Variants in RNF150 observed in about 807,000 individuals in gnomAD.
RNF150 encodes ring finger protein 150.
A neutral mutation model predicts 39.3 loss-of-function variants in RNF150; 24 were observed. That is an observed-to-expected ratio of 0.61 (90% CI 0.44 to 0.86). The LOEUF is 0.86. Among genes scored for constraint, RNF150 ranks in the 40% least tolerant of loss-of-function variants. The pLI is 0.00. For synonymous variants in RNF150, 255 were observed against 227.3 expected (o/e 1.12, Z -1.10); for missense variants, 502 against 587.8 (o/e 0.85, Z 1.51).
At chr4:140,923,671 C>T (rs1287479693) in intron 5 of RNF150, among the ~76,000 whole-genome samples, 5 of 152,168 alleles carry the variant, frequency 3.3e-5, no homozygotes, top group East Asian at 1.9e-4. Context: ...CACATGCACA[C>T]GTGTGTTTAT....
chr4:140,965,362 A>G (rs1013681386), intron 2 of RNF150, among the ~76,000 whole-genome samples: 4 of 152,100 alleles, frequency 2.6e-5, no homozygotes, highest in African/African-American at 9.7e-5. Flanking sequence ...CAGAACTACC[A>G]TTGAAGATTT....
intron 1 of RNF150, among the ~76,000 whole-genome samples, chr4:141,200,789 G>A (rs1728277991): frequency 6.6e-6 from 1 of 152,180 alleles, no homozygotes; most frequent in East Asian, 1.9e-4. Flanking sequence ...TACAAATGGT[G>A]AGAAAGTAAA....
chr4:141,159,802 C>T (rs1727479882), intron 1 of RNF150, among the ~76,000 whole-genome samples: 1 of 152,164 alleles, frequency 6.6e-6, no homozygotes, highest in Non-Finnish European at 1.5e-5. Context: ...CCTTGGCCTC[C>T]CAAAGTGTTG....
intron 1 of RNF150, among the ~76,000 whole-genome samples, chr4:141,179,838 C>T (rs1727875566): frequency 6.6e-6 from 1 of 152,160 alleles, no homozygotes; most frequent in Admixed American, 6.5e-5. Flanking sequence ...AAAGCCATCA[C>T]ATATTGGGCT....
chr4:141,152,473 A>G (rs571027572), intron 1 of RNF150, among the ~76,000 whole-genome samples: 2 of 152,350 alleles, frequency 1.3e-5, no homozygotes, highest in East Asian at 3.9e-4. Flanking sequence ...AATGTAACAC[A>G]TTGCAAAACA....
chr4:140,943,302 G>A (rs1732158809), intron 4 of RNF150, among the ~76,000 whole-genome samples: 1 of 152,156 alleles, frequency 6.6e-6, no homozygotes, highest in Non-Finnish European at 1.5e-5. Flanking sequence ...TATGTGAAAA[G>A]AACAGGATAG....
chr4:140,972,397 G>A (rs1045101725), intron 1 of RNF150, among the ~76,000 whole-genome samples: 76 of 152,086 alleles, frequency 5.0e-4, no homozygotes, highest in Admixed American at 2.0e-4. Context: ...ATGACCAAGT[G>A]GGATTTATCC....
chr4:140,881,200 T>G (rs1352879384), intron 6 of RNF150, among the ~76,000 whole-genome samples: 1 of 151,910 alleles, frequency 6.6e-6, no homozygotes, highest in Non-Finnish European at 1.5e-5. Context: ...TCTAGCTGTA[T>G]GGCACAGGCT....
In RNF150 at chr4:141,078,597, T is replaced by C. The variant is rs372887282; in HGVS notation, c.484+53728A>G. Among the ~76,000 whole-genome samples, 55 of 150,914 alleles carry C rather than the reference T, an allele frequency of 3.6e-4. No individual in the cohort carries two copies. The East Asian group carries it at 8.2e-3, about 22-fold the overall frequency. ...AGGAGATAGACCATCCTGGCCAACA[T>C]GGTGAAACCCCGTCTCTACTAAAAA... On this transcript the variant is annotated intron_variant, in intron 1 of 6. Transcript: ENST00000515673.
At chr4:140,983,444 C>T (rs1308121424) in intron 1 of RNF150, among the ~76,000 whole-genome samples, 2 of 152,062 alleles carry the variant, frequency 1.3e-5, no homozygotes, top group African/African-American at 4.8e-5. Flanking sequence ...CATTGTTACC[C>T]ACAGAGGTAA....
intron 1 of RNF150, among the ~76,000 whole-genome samples, chr4:141,157,741 C>T (rs189165581): frequency 1.0e-3 from 152 of 152,236 alleles, no homozygotes; most frequent in East Asian, 4.1e-3. Context: ...CTATTTGCAA[C>T]GTGCATTATA....
rs140774846 is a variant in RNF150, at chr4:141,100,696, C to T, written c.484+31629G>A. ...TGTTGCATAACAACAGAGACTGGTCCCAAGAAAGGTGTCCTGAGCCAATTT... is the reference window on the plus strand; with the variant it reads ...TGTTGCATAACAACAGAGACTGGTCTCAAGAAAGGTGTCCTGAGCCAATTT... On this transcript the variant is annotated intron_variant, in intron 1 of 6. Transcript: ENST00000515673. Among the ~76,000 whole-genome samples the T allele has an allele frequency of 2.2e-4, 33 of 152,208 alleles. No individual in the cohort carries two copies. In the East Asian group the frequency reaches 6.4e-3, roughly 29 times the overall value.
intron 6 of RNF150, among the ~76,000 whole-genome samples, chr4:140,894,346 G>A (rs1729862706): frequency 1.3e-5 from 2 of 152,312 alleles, no homozygotes; most frequent in South Asian, 4.1e-4. Context: ...TATCTTCAGA[G>A]TGTTTTATGA....
At chr4:140,908,238 G>C (rs904848200) in intron 6 of RNF150, among the ~76,000 whole-genome samples, 2 of 151,916 alleles carry the variant, frequency 1.3e-5, no homozygotes, top group African/African-American at 2.4e-5. Context: ...TAAGTCACTA[G>C]GCAATTAAAA....
Position 141,132,874 on chromosome 4 carries a change from C to G in RNF150, c.-66G>C. ...CTCCGTCCCGTCCCTCCTCCCCAGC[C>G]CCGGCCAACCCCGGGCCGCTGCCTC... On this transcript the variant is annotated 5_prime_UTR_variant, in exon 1 of 7. Transcript: ENST00000515673. This position sits in a 1 kb window ranked among gnomAD's most constrained non-coding sequence, Gnocchi z 4.9. The G allele has an allele frequency of 1.5e-6, 2 of 1,334,812 alleles. No homozygotes were observed. Among genetic ancestry groups the G allele is most frequent in the South Asian group, 2.5e-5 (2 of 80,256 alleles). The allele number at this position is 1,334,812 out of a possible 1,614,324, so 82.7% of individuals were successfully genotyped here.
intron 1 of RNF150, among the ~76,000 whole-genome samples, chr4:141,091,886 CCAAA>C (rs1042252584): frequency 6.6e-6 from 1 of 151,702 alleles, no homozygotes; most frequent in African/African-American, 2.4e-5. Context: ...ACTGATGGTG[CCAAA>C]CAGAGATACA....
intron 1 of RNF150, among the ~76,000 whole-genome samples, chr4:141,081,751 A>G (rs1452934240): frequency 8.5e-5 from 13 of 152,210 alleles, no homozygotes. Context: ...TAGATTTTTA[A>G]GTTATTCCTT....
intron 6 of RNF150, among the ~76,000 whole-genome samples, chr4:140,895,665 C>T (rs2111236632): frequency 6.6e-6 from 1 of 152,294 alleles, no homozygotes; most frequent in Admixed American, 6.5e-5. Flanking sequence ...ATCTTAGCTG[C>T]AATGCACCCA....
chr4:140,989,618 T>G (rs1734127143), intron 1 of RNF150, among the ~76,000 whole-genome samples: 1 of 152,188 alleles, frequency 6.6e-6, no homozygotes, highest in African/African-American at 2.4e-5. Context: ...AAACTAAGCT[T>G]CCAGAAAGAG....
Sources: allele counts gnomAD v4.1 joint callset (sites outside exome capture counted in the v4.1 genomes callset), GRCh38; gene constraint gnomAD v4.1.1; non-coding constraint Gnocchi (gnomAD v3.1); transcripts MANE v1.5; gene names NCBI Gene and HGNC (gene_info 2026-07-23, HGNC 2026-07-21).